Variants in TENM2 observed in about 807,000 individuals in gnomAD.
TENM2 encodes teneurin transmembrane protein 2.
A neutral mutation model predicts 245.2 loss-of-function variants in TENM2; 52 were observed. That is an observed-to-expected ratio of 0.21 (90% CI 0.17 to 0.27). The LOEUF (loss-of-function observed/expected upper bound fraction) is 0.27. TENM2 is among the 10% of genes least tolerant of loss of function. The pLI, the probability that TENM2 is intolerant of heterozygous loss-of-function variation, is 1.00. For synonymous variants in TENM2, 1,363 were observed against 1,438.9 expected, an observed-to-expected ratio of 0.95 and a Z score of 1.19; for missense variants, 3,046 against 3,666.8, an observed-to-expected ratio of 0.83 and a Z score of 4.37.
intron 2 of TENM2, among the ~76,000 whole-genome samples, chr5:167,719,719 C>T (rs1032934958): frequency 6.6e-6 from 1 of 152,174 alleles, no homozygotes; most frequent in Non-Finnish European, 1.5e-5. Flanking sequence ...CAACCAGTGG[C>T]GATTTTGCCA....
chr5:167,558,440 G>A (rs1231342780), intron 2 of TENM2, among the ~76,000 whole-genome samples: 1 of 152,156 alleles, frequency 6.6e-6, no homozygotes, highest in Non-Finnish European at 1.5e-5. Flanking sequence ...CCAACCCCCC[G>A]GCCACAGACC....
chr5:167,452,950 T>A (rs78211820), intron 2 of TENM2, among the ~76,000 whole-genome samples: 1 of 99,650 alleles, frequency 1.0e-5, no homozygotes, highest in South Asian at 3.4e-4. Flanking sequence ...TATATATATA[T>A]ATATATATAT....
intron 3 of TENM2, among the ~76,000 whole-genome samples, chr5:167,917,671 T>G (rs900229019): frequency 6.6e-6 from 1 of 152,112 alleles, no homozygotes; most frequent in Non-Finnish European, 1.5e-5. Flanking sequence ...TGTAAAGCAC[T>G]TCTCCCTGTA....
the TENM2 span, among the ~76,000 whole-genome samples, chr5:167,035,007 A>G: frequency 6.6e-6 from 1 of 152,220 alleles, no homozygotes; most frequent in African/African-American, 2.4e-5. Flanking sequence ...TTGAGGGGGT[A>G]CATTAAACAA....
the TENM2 span, among the ~76,000 whole-genome samples, chr5:167,263,158 T>A: frequency 8.3e-6 from 1 of 119,882 alleles, no homozygotes; most frequent in Non-Finnish European, 1.8e-5. Context: ...CCCGGTAGCA[T>A]TTTAAGTAAA....
chr5:167,835,401 T>A (rs1478142223), intron 2 of TENM2, among the ~76,000 whole-genome samples: 1 of 152,190 alleles, frequency 6.6e-6, no homozygotes, highest in Non-Finnish European at 1.5e-5. Flanking sequence ...TCTTTTAGTA[T>A]GATCCATAAC....
intron 5 of TENM2, among the ~76,000 whole-genome samples, chr5:168,026,087 A>G (rs1000045638): frequency 9.9e-5 from 15 of 151,990 alleles, no homozygotes; most frequent in African/African-American, 3.1e-4. Context: ...TTCTCAAGGT[A>G]TGATGTAATT....
chr5:167,842,033 T>C (rs1769566768), intron 2 of TENM2, among the ~76,000 whole-genome samples: 1 of 152,150 alleles, frequency 6.6e-6, no homozygotes, highest in Non-Finnish European at 1.5e-5. Flanking sequence ...AACCGTGAAT[T>C]CTTTTTGACC....
the TENM2 span, among the ~76,000 whole-genome samples, chr5:166,990,988 TAAAA>T: frequency 5.3e-5 from 8 of 151,628 alleles, no homozygotes; most frequent in East Asian, 1.9e-4. Context: ...TGCATGAAGT[TAAAA>T]AAGAAAGAAA....
At chr5:167,347,843 T>G (rs56885083) in intron 1 of TENM2, among the ~76,000 whole-genome samples, 398 of 152,336 alleles carry the variant, frequency 2.6e-3, no homozygotes, top group African/African-American at 9.2e-3. Context: ...ACAAGGTACC[T>G]TCTCCCTTCA....
Position 167,286,607 on chromosome 5 carries a change from C to T in TENM2, c.226+1544C>T, listed in dbSNP as rs558423989. 1.0e-3 allele frequency among the ~76,000 whole-genome samples: 155 copies of T among 152,280 alleles called. 1 individual carries two copies. The South Asian group carries it at 0.024, about 23-fold the overall frequency. ...ATTTTGAAAGGTGATGCACGTTCAA[C>T]GTGGTTCAAAGCCTTTCATTTTCTG... On this transcript the variant is annotated intron_variant, in intron 1 of 28. Transcript: ENST00000518659.
At chr5:167,284,916 C>A in exon 1 of TENM2, 1 of 1,551,818 alleles carries the variant, frequency 6.4e-7, no homozygotes, top group Non-Finnish European at 8.7e-7. Context: ...AAGCTCCTCT[C>A]TGGACAGTGA....
At chr5:167,435,462 T>C (rs922078499) in intron 2 of TENM2, among the ~76,000 whole-genome samples, 2 of 152,234 alleles carry the variant, frequency 1.3e-5, no homozygotes, top group South Asian at 4.1e-4. Context: ...CCTTTCACCT[T>C]CTGCCATGAT....
At chr5:166,995,533 G>T in the TENM2 span, among the ~76,000 whole-genome samples, 1 of 152,136 alleles carries the variant, frequency 6.6e-6, no homozygotes, top group East Asian at 2.0e-4. Context: ...GAGCCACCGC[G>T]CCCGGCCACA....
At chr5:167,612,132 G>A (rs1488605368) in intron 2 of TENM2, among the ~76,000 whole-genome samples, 1 of 152,010 alleles carries the variant, frequency 6.6e-6, no homozygotes, top group African/African-American at 2.4e-5. Flanking sequence ...GCCAGGATTC[G>A]AATCGGAGTT....
intron 2 of TENM2, among the ~76,000 whole-genome samples, chr5:167,741,966 A>ACACAC (rs1208667294): frequency 1.3e-5 from 2 of 152,154 alleles, no homozygotes; most frequent in Non-Finnish European, 2.9e-5. Context: ...AACAATGAGT[A>ACACAC]CACACCACAC....
In TENM2 at chr5:168,097,952, C is replaced by A. The variant is rs989237030; in HGVS notation, c.1712-74C>A. Reference sequence around the variant, plus strand: ...TACTACCACTGGTCTTTAAAAGTGGCAAGTTACTGACGGTTAAATTACTGC... The same window carrying A: ...TACTACCACTGGTCTTTAAAAGTGGAAAGTTACTGACGGTTAAATTACTGC... On this transcript the variant is annotated intron_variant, in intron 8 of 28. Transcript: ENST00000518659. 4 of 1,111,276 alleles carry A rather than the reference C, an allele frequency of 3.6e-6. No individual in the cohort carries two copies. The African/African-American group carries it at 4.6e-5, about 13-fold the overall frequency. 68.8% of individuals were successfully genotyped at this position (1,111,276 alleles called of 1,614,324 possible).
chr5:167,354,008 A>C (rs1042915265), intron 1 of TENM2, among the ~76,000 whole-genome samples: 1 of 152,230 alleles, frequency 6.6e-6, no homozygotes, highest in Non-Finnish European at 1.5e-5. Context: ...GAAACATAGA[A>C]TAAAGTATAC....
At chr5:168,045,930 G>A (rs1788570059) in intron 5 of TENM2, among the ~76,000 whole-genome samples, 1 of 152,110 alleles carries the variant, frequency 6.6e-6, no homozygotes, top group South Asian at 2.1e-4. Flanking sequence ...AGAAAATTAG[G>A]TGTTACCTTG....
Sources: gnomAD v4.1 joint callset for allele counts (sites outside exome capture counted in the v4.1 genomes callset) on GRCh38, gnomAD v4.1.1 for gene constraint, MANE v1.5 for transcripts, NCBI Gene and HGNC (gene_info 2026-07-23, HGNC 2026-07-21) for gene names.